ANO3: variants seen among roughly 807,000 people sequenced by gnomAD.
ANO3 encodes anoctamin-3.
A neutral mutation model predicts 144.8 loss-of-function variants in ANO3; 99 were observed. The ratio of observed to expected loss-of-function variants is 0.68; its 90% CI spans 0.58 to 0.81. The LOEUF (loss-of-function observed/expected upper bound fraction) is 0.81, where lower values mean the gene tolerates loss of function less well. ANO3 is among the 30% of genes least tolerant of loss of function. The pLI is 0.00. For missense variants in ANO3, 905 were observed against 1,202.2 expected, an observed-to-expected ratio of 0.75 and a Z score of 3.66; for synonymous variants, 414 against 392.6, an observed-to-expected ratio of 1.05 and a Z score of -0.64.
Position 26,641,789 on chromosome 11 carries a change from A to G in ANO3, c.2142-107A>G, listed in dbSNP as rs1236407438. The G allele has an allele frequency of 5.0e-6, 6 of 1,209,944 alleles. No individual in the cohort carries two copies. The Admixed American group carries it at 1.4e-4, about 29-fold the overall frequency. The allele number at this position is 1,209,944 out of a possible 1,614,324, so 75.0% of individuals were successfully genotyped here. A position where few individuals can be genotyped will look rare whatever the true frequency, so the allele number is the denominator to read the frequency against. On this transcript the variant is annotated intron_variant, in intron 21 of 26. Transcript: ENST00000256737. ...TAAAAGGTAAAACCAAATACCTCCA[A>G]TTCCGAGGAGCTGGAATTGGTTTTA... is the stretch of plus-strand genomic sequence containing the variant.
At chr11:26,638,098 A>G (rs1212077819) in intron 20 of ANO3, among the ~76,000 whole-genome samples, 4 of 152,218 alleles carry the variant, frequency 2.6e-5, no homozygotes, top group Non-Finnish European at 5.9e-5. Flanking sequence ...TGTTGCATTT[A>G]TCACTTAAAA....
At chr11:26,375,594 C>T (rs75776399) in intron 1 of ANO3, among the ~76,000 whole-genome samples, 4 of 152,040 alleles carry the variant, frequency 2.6e-5, no homozygotes, top group Admixed American at 6.6e-5. Flanking sequence ...AATTTTCTCC[C>T]GATCTTCTGT....
intron 14 of ANO3, chr11:26,565,912 C>A (rs775063188): frequency 6.4e-7 from 1 of 1,554,370 alleles, no homozygotes; most frequent in South Asian, 1.2e-5. Context: ...AGAAAATAAC[C>A]ATAATTTGAA....
chr11:26,317,340 G>A (rs1166988047), intron 1 of ANO3, among the ~76,000 whole-genome samples: 1 of 150,824 alleles, frequency 6.6e-6, no homozygotes, highest in Admixed American at 6.6e-5. Context: ...CAGAATGGGA[G>A]AAAATTTTTG....
chr11:26,520,255 T>C (rs2134158397), intron 6 of ANO3, among the ~76,000 whole-genome samples: 1 of 152,292 alleles, frequency 6.6e-6, no homozygotes, highest in East Asian at 1.9e-4. Context: ...CCAAGGGAGA[T>C]TTTGAAGAGG....
chr11:26,616,436 G>GTTTTTTTTTTTTTTTTTTTTTTTT (rs35002566), intron 17 of ANO3, among the ~76,000 whole-genome samples: 1 of 137,448 alleles, frequency 7.3e-6, no homozygotes, highest in African/African-American at 2.7e-5. Context: ...TGCGTTTCTG[G>GTTTTTTTTTTTTTTTTTTTTTTTT]TTTTTTTTTT....
intron 2 of ANO3, among the ~76,000 whole-genome samples, chr11:26,442,461 G>C (rs1186436777): frequency 6.6e-6 from 1 of 152,194 alleles, no homozygotes; most frequent in Non-Finnish European, 1.5e-5. Flanking sequence ...AATGTCATCA[G>C]TAATAAACTG....
chr11:26,634,108 A>T, intron 18 of ANO3, 96 bp from the exon 19 acceptor site: 1 of 606,444 alleles, frequency 1.6e-6, no homozygotes, highest in South Asian at 2.9e-5. Flanking sequence ...ATTAAATTAA[A>T]AAGACAAACT....
intron 17 of ANO3, among the ~76,000 whole-genome samples, chr11:26,621,857 A>G (rs543632651): frequency 3.3e-5 from 5 of 152,240 alleles, no homozygotes; most frequent in African/African-American, 9.6e-5. Flanking sequence ...CCAACATGTT[A>G]TCACGTGTGT....
chr11:26,469,431 CACA>C (rs1452265771), intron 4 of ANO3, among the ~76,000 whole-genome samples: 2 of 151,870 alleles, frequency 1.3e-5, no homozygotes, highest in Non-Finnish European at 2.9e-5. Context: ...CAAATGTTCT[CACA>C]ACAACTAGTC....
intron 4 of ANO3, among the ~76,000 whole-genome samples, chr11:26,481,937 T>C (rs1860235053): frequency 6.6e-6 from 1 of 152,148 alleles, no homozygotes; most frequent in Non-Finnish European, 1.5e-5. Context: ...TCTTCACCTA[T>C]ACTGGAGTGC....
intron 7 of ANO3, among the ~76,000 whole-genome samples, chr11:26,530,726 G>A (rs550916757): frequency 6.6e-6 from 1 of 152,028 alleles, no homozygotes; most frequent in Admixed American, 6.6e-5. Flanking sequence ...AAAATTAGCT[G>A]GACTTGGTGG....
intron 14 of ANO3, among the ~76,000 whole-genome samples, chr11:26,573,009 T>C (rs746370833): frequency 2.0e-5 from 3 of 152,178 alleles, no homozygotes; most frequent in Non-Finnish European, 4.4e-5. Context: ...ACACTTCCTT[T>C]CAGAGCTTAT....
intron 14 of ANO3, among the ~76,000 whole-genome samples, chr11:26,596,033 C>A (rs1461873883): frequency 1.3e-5 from 2 of 152,114 alleles, no homozygotes; most frequent in Non-Finnish European, 2.9e-5. Flanking sequence ...TTGGGCTATG[C>A]CCTTGTTTAC....
chr11:26,559,510 G>A (rs1006412105), intron 13 of ANO3: 3 of 542,728 alleles, frequency 5.5e-6, no homozygotes, highest in African/African-American at 3.8e-5. Flanking sequence ...AGAGAAGAGG[G>A]CTAATGTTGT....
chr11:26,531,273 C>G lies in ANO3; in HGVS notation c.806C>G (p.Ala269Gly). 1 of 1,614,074 alleles carries G rather than the reference C, an allele frequency of 6.2e-7. No homozygotes were observed. Among genetic ancestry groups the G allele is most frequent in the Non-Finnish European group, 8.5e-7 (1 of 1,179,998 alleles). Residue 269 changes from alanine (A) to glycine (G), a missense_variant, in exon 8 of 27, where the codon GCT becomes GGT. Coordinates refer to ENST00000256737, the MANE Select transcript of ANO3 (RefSeq NM_031418.4). ...AACCCAATGGTTCTTGACAAGTCAG[C>G]TTTTCCAGACCTAGAGGAGTCAGAC... is the stretch of plus-strand genomic sequence containing the variant. The part of the protein sequence containing the change: ...AQNPMVLDKS[A>G]FPDLEESDCY...
intron 14 of ANO3, among the ~76,000 whole-genome samples, chr11:26,569,468 A>G (rs565017340): frequency 2.8e-4 from 43 of 152,162 alleles, no homozygotes; most frequent in African/African-American, 1.0e-3. Context: ...AGGTTACGCC[A>G]CTTACTCAGG....
At chr11:26,563,393 CTCTGTGTGTGTGTGTGTG>C in intron 14 of ANO3, 3 of 825,500 alleles carry the variant, frequency 3.6e-6, no homozygotes, top group Non-Finnish European at 5.1e-6. Flanking sequence ...GTGTTTCTCT[CTCTGTGTGTGTGTGTGTG>C]TGTGTGTGTG....
intron 1 of ANO3, among the ~76,000 whole-genome samples, chr11:26,333,088 T>G (rs1283798366): frequency 6.6e-6 from 1 of 152,222 alleles, no homozygotes; most frequent in East Asian, 1.9e-4. Flanking sequence ...GAAGCATTAA[T>G]TAACACAATT....
Sources: allele counts gnomAD v4.1 joint callset (sites outside exome capture counted in the v4.1 genomes callset), GRCh38; gene constraint gnomAD v4.1.1; transcripts MANE v1.5; gene names NCBI Gene and HGNC (gene_info 2026-07-23, HGNC 2026-07-21).